Variants in TENM2 observed in about 807,000 individuals in gnomAD.
TENM2 encodes teneurin-2.
Under a neutral mutation model 245.2 loss-of-function variants are expected in TENM2, and 52 were observed. The observed-to-expected ratio is 0.21, with a 90% CI of 0.17 to 0.27. TENM2 has a LOEUF of 0.27. Ranked by LOEUF, TENM2 falls within the 10% of genes least tolerant of loss-of-function variation. The pLI, the probability that TENM2 is intolerant of heterozygous loss-of-function variation, is 1.00. For missense variants in TENM2, 3,046 were observed against 3,666.8 expected, an observed-to-expected ratio of 0.83 and a Z score of 4.37; for synonymous variants, 1,363 against 1,438.9, an observed-to-expected ratio of 0.95 and a Z score of 1.19.
chr5:167,482,410 A>T (rs1280626236), intron 2 of TENM2, among the ~76,000 whole-genome samples: 2 of 152,134 alleles, frequency 1.3e-5, no homozygotes, highest in African/African-American at 2.4e-5. Context: ...GGATCATTGA[A>T]GTTTTTGGGT....
At chr5:167,678,514 C>T (rs1232686229) in intron 2 of TENM2, among the ~76,000 whole-genome samples, 1 of 152,108 alleles carries the variant, frequency 6.6e-6, no homozygotes, top group African/African-American at 2.4e-5. Context: ...GTCTGTGTTT[C>T]TGTCACAGCA....
rs139576269 is a variant in TENM2 at position 167,744,243 on chromosome 5, C to T, written c.503-131743C>T. ...ATTCAGGGTCCCAAATTCCTCCTCC[C>T]TGTCTGGACTAGGCATCAGGCAGTT... On this transcript the variant is annotated intron_variant, in intron 2 of 28. Transcript: ENST00000518659. Among the ~76,000 whole-genome samples, 10 of 152,278 alleles carry T rather than the reference C, an allele frequency of 6.6e-5. No homozygotes were observed. In the East Asian group the frequency reaches 1.7e-3, roughly 26 times the overall value.
chr5:167,223,430 G>A, the TENM2 span, among the ~76,000 whole-genome samples: 1 of 151,976 alleles, frequency 6.6e-6, no homozygotes, highest in Non-Finnish European at 1.5e-5. Context: ...ATATGAGCGG[G>A]AACACACAAT....
At position 167,532,127 on chromosome 5, in the gene TENM2, G is replaced by T. The variant is rs368116899; in HGVS notation, c.502+156654G>T. Among the ~76,000 whole-genome samples the T allele has an allele frequency of 5.9e-5, 9 of 152,200 alleles. No homozygotes were observed. In the East Asian group the frequency reaches 1.4e-3, roughly 23 times the overall value. On this transcript the variant is annotated intron_variant, in intron 2 of 28. Transcript: ENST00000518659. The stretch of plus-strand genomic sequence containing the variant: ...AATACCCTCCCCATTTTCAGGTGAG[G>T]AAACTGAATATTAGAAAAGGCAAAT...
the TENM2 span, among the ~76,000 whole-genome samples, chr5:166,989,473 C>T: frequency 6.6e-6 from 1 of 151,740 alleles, no homozygotes; most frequent in Non-Finnish European, 1.5e-5. Flanking sequence ...TTCTCGATCT[C>T]CTGACCTCGT....
chr5:167,776,276 T>A (rs1414118002), intron 2 of TENM2, among the ~76,000 whole-genome samples: 1 of 151,344 alleles, frequency 6.6e-6, no homozygotes, highest in Non-Finnish European at 1.5e-5. Context: ...AAATTCAGAC[T>A]ATATATATCA....
rs200942772 is a variant in TENM2, at chr5:168,185,915, CATATATAT to C, written c.2570-4379_2570-4372del. ...GGACATATACTATATACCAGACTGA[CATATATAT>C]ATATATATATATATATATATATATA... On this transcript the variant is annotated intron_variant, in intron 13 of 28. Transcript: ENST00000518659. Among the ~76,000 whole-genome samples the C allele has an allele frequency of 4.2e-3, 306 of 73,620 alleles. 1 individual carries two copies. The highest frequency in any genetic ancestry group is 6.9e-3 in the Non-Finnish European group (247 of 35,740). 48.3% of individuals were successfully genotyped at this position (73,620 alleles called of 152,430 possible).
chr5:167,057,912 G>C, the TENM2 span, among the ~76,000 whole-genome samples: 2 of 152,094 alleles, frequency 1.3e-5, no homozygotes, highest in Admixed American at 6.5e-5. Flanking sequence ...GGTCCTGCTG[G>C]AGTTTTTAAA....
At chr5:167,032,141 T>C in the TENM2 span, among the ~76,000 whole-genome samples, 2 of 152,156 alleles carry the variant, frequency 1.3e-5, no homozygotes, top group Non-Finnish European at 2.9e-5. Flanking sequence ...CTGGGGAATA[T>C]TATAAGATTA....
chr5:167,073,339 C>A, the TENM2 span, among the ~76,000 whole-genome samples: 2 of 152,118 alleles, frequency 1.3e-5, no homozygotes, highest in African/African-American at 4.8e-5. Flanking sequence ...AATTGTACAT[C>A]GAAGATCCAC....
intron 2 of TENM2, among the ~76,000 whole-genome samples, chr5:167,619,669 A>G (rs1377796541): frequency 6.6e-6 from 1 of 152,186 alleles, no homozygotes; most frequent in East Asian, 1.9e-4. Flanking sequence ...ACCTAGTAAA[A>G]GCACTGGCCC....
the TENM2 span, among the ~76,000 whole-genome samples, chr5:167,101,861 A>ATATG: frequency 8.1e-6 from 1 of 122,940 alleles, no homozygotes; most frequent in East Asian, 2.3e-4. Context: ...ATATATATAT[A>ATATG]TATATATATA....
chr5:167,789,544 G>C (rs1235644780), intron 2 of TENM2, among the ~76,000 whole-genome samples: 1 of 152,092 alleles, frequency 6.6e-6, no homozygotes, highest in Non-Finnish European at 1.5e-5. Flanking sequence ...CTTCCAGGTT[G>C]GTTGGACACT....
chr5:167,533,290 G>C (rs1582311577), intron 2 of TENM2, among the ~76,000 whole-genome samples: 1 of 152,190 alleles, frequency 6.6e-6, no homozygotes, highest in Admixed American at 6.5e-5. Context: ...AACTTGGTAA[G>C]AATGAAGTTT....
At chr5:167,845,191 G>A (rs951960418) in intron 2 of TENM2, among the ~76,000 whole-genome samples, 1 of 150,648 alleles carries the variant, frequency 6.6e-6, no homozygotes, top group Non-Finnish European at 1.5e-5. Flanking sequence ...ACAAGTAGAA[G>A]CCCTCACCAT....
chr5:167,171,517 G>A, the TENM2 span, among the ~76,000 whole-genome samples: 2 of 152,160 alleles, frequency 1.3e-5, no homozygotes, highest in Admixed American at 6.5e-5. Context: ...TAAGGCAATC[G>A]ACAAGGAGTG....
chr5:167,284,163 G>A (rs1022393060), upstream of TENM2, among the ~76,000 whole-genome samples: 10 of 152,196 alleles, frequency 6.6e-5, no homozygotes, highest in Admixed American at 3.3e-4. Context: ...CCAAAAGCTC[G>A]TTGAAGAAAT....
intron 2 of TENM2, among the ~76,000 whole-genome samples, chr5:167,598,696 T>G (rs1447668860): frequency 6.6e-6 from 1 of 152,108 alleles, no homozygotes; most frequent in African/African-American, 2.4e-5. Flanking sequence ...ACAGCTACTC[T>G]CTTGGAGTCA....
rs1581650228 is a variant in TENM2 at position 168,213,555 on chromosome 5, T to G, written c.3846-1485T>G. On this transcript the variant is annotated intron_variant, in intron 20 of 28. Coordinates refer to ENST00000518659, the Ensembl canonical transcript of TENM2. The stretch of plus-strand genomic sequence containing the variant: ...AAATAATAGGAAAAGGCTGGTTGCA[T>G]GGTTTATACCTATAATCCCAGCACT... 2.6e-5 allele frequency among the ~76,000 whole-genome samples: 4 copies of G among 152,032 alleles called. No individual in the cohort carries two copies. In the South Asian group the frequency reaches 8.3e-4, roughly 32 times the overall value.
Sources: gnomAD v4.1 joint callset for allele counts (sites outside exome capture counted in the v4.1 genomes callset) on GRCh38, gnomAD v4.1.1 for gene constraint, MANE v1.5 for transcripts, NCBI Gene and HGNC (gene_info 2026-07-23, HGNC 2026-07-21) for gene names.